Variants in EIF4G3 observed in about 807,000 individuals in gnomAD.
The protein encoded by EIF4G3 is eukaryotic translation initiation factor 4 gamma 3.
In EIF4G3, 34 loss-of-function variants were observed where a neutral mutation model predicts 186.4. The ratio of observed to expected loss-of-function variants is 0.18; its 90% CI spans 0.14 to 0.24. EIF4G3 has a LOEUF of 0.24. EIF4G3 is among the 10% of genes least tolerant of loss of function. The pLI is 1.00. For missense variants in EIF4G3, 1,536 were observed against 1,948.5 expected (o/e 0.79, Z 3.99); for synonymous variants, 673 against 679.5 (o/e 0.99, Z 0.15).
At chr1:21,099,606 G>T (rs1180857430) in intron 2 of EIF4G3, among the ~76,000 whole-genome samples, 1 of 152,168 alleles carries the variant, frequency 6.6e-6, no homozygotes, top group African/African-American at 2.4e-5. Flanking sequence ...TAATATACTA[G>T]TTAAGACAAA....
At chr1:20,993,518 T>C (rs2081580311) in intron 7 of EIF4G3, among the ~76,000 whole-genome samples, 2 of 152,182 alleles carry the variant, frequency 1.3e-5, no homozygotes, top group Non-Finnish European at 2.9e-5. Context: ...CTATAGAACA[T>C]ACTTTGCAAT....
chr1:20,979,083 C>T (rs1411681559), intron 10 of EIF4G3, among the ~76,000 whole-genome samples: 1 of 152,116 alleles, frequency 6.6e-6, no homozygotes, highest in Non-Finnish European at 1.5e-5. Flanking sequence ...CTTACTGAAT[C>T]TCAAAACTTA....
intron 28 of EIF4G3, 54 bp from the exon 29 acceptor site, chr1:20,849,584 T>C: frequency 2.6e-6 from 2 of 782,476 alleles, no homozygotes; most frequent in Admixed American, 3.1e-5. Context: ...ACTATTAAAA[T>C]AGTGAGATTA....
intron 2 of EIF4G3, among the ~76,000 whole-genome samples, chr1:21,101,586 A>AAC (rs2096527021): frequency 7.0e-6 from 1 of 142,736 alleles, no homozygotes; most frequent in Non-Finnish European, 1.5e-5. Context: ...CAACAAAAAA[A>AAC]AACCGAGGGA....
At chr1:20,984,269 G>A (rs867890788) in intron 7 of EIF4G3, among the ~76,000 whole-genome samples, 4 of 151,638 alleles carry the variant, frequency 2.6e-5, no homozygotes, top group Admixed American at 1.3e-4. Flanking sequence ...GGGTTCAAGC[G>A]ATTCTCCTGC....
At chr1:21,108,932 G>A (rs1287283215) in intron 2 of EIF4G3, among the ~76,000 whole-genome samples, 1 of 145,104 alleles carries the variant, frequency 6.9e-6, no homozygotes, top group Admixed American at 6.9e-5. Context: ...AAAACTACAA[G>A]GGGCCAGGTG....
At chr1:21,012,947 G>GA (rs918740320) in intron 4 of EIF4G3, among the ~76,000 whole-genome samples, 4 of 152,088 alleles carry the variant, frequency 2.6e-5, no homozygotes, top group Non-Finnish European at 5.9e-5. Flanking sequence ...CATTCCCACT[G>GA]AAAAAACTGA....
chr1:20,817,680 A>ATTT, intron 33 of EIF4G3, 142 bp from the exon 34 acceptor site: 15 of 220,604 alleles, frequency 6.8e-5, no homozygotes, highest in Non-Finnish European at 9.5e-5. Context: ...TTATGTTTGT[A>ATTT]GTTTTTTTTT....
chr1:21,156,022 G>A (rs1164517432), intron 2 of EIF4G3, among the ~76,000 whole-genome samples: 2 of 151,848 alleles, frequency 1.3e-5, no homozygotes, highest in Non-Finnish European at 2.9e-5. Context: ...AGCTACTCGG[G>A]AGGCTGAGAT....
At chr1:21,164,712 T>C (rs2097826545) in intron 2 of EIF4G3, among the ~76,000 whole-genome samples, 1 of 151,904 alleles carries the variant, frequency 6.6e-6, no homozygotes, top group African/African-American at 2.4e-5. Flanking sequence ...ATACAAAAAG[T>C]AGCTGGGTGT....
intron 2 of EIF4G3, among the ~76,000 whole-genome samples, chr1:21,155,905 T>A (rs1364390637): frequency 6.6e-6 from 1 of 151,876 alleles, no homozygotes; most frequent in Admixed American, 6.6e-5. Flanking sequence ...GGCAGGAGGA[T>A]CACTTGAGGT....
chr1:20,808,323 T>G (rs998176527), intron 36 of EIF4G3, among the ~76,000 whole-genome samples: 7 of 152,224 alleles, frequency 4.6e-5, no homozygotes, highest in Non-Finnish European at 8.8e-5. Context: ...TGTATTATTT[T>G]TACAAAATTT....
At chr1:21,140,366 T>C (rs2097316277) in intron 2 of EIF4G3, among the ~76,000 whole-genome samples, 1 of 152,074 alleles carries the variant, frequency 6.6e-6, no homozygotes, top group African/African-American at 2.4e-5. Flanking sequence ...CAGGCTGGAG[T>C]GCAGTAGCGT....
intron 2 of EIF4G3, chr1:21,168,070 T>TTATTTATTGAAA (rs1257304584): frequency 8.5e-6 from 4 of 470,160 alleles, no homozygotes; most frequent in Non-Finnish European, 1.8e-5. Context: ...AACAAAAAGT[T>TTATTTATTGAAA]CACTTATATT....
At chr1:21,158,169 C>CTTTT (rs71014163) in intron 2 of EIF4G3, among the ~76,000 whole-genome samples, 63 of 99,516 alleles carry the variant, frequency 6.3e-4, no homozygotes, top group African/African-American at 1.0e-3. Context: ...AAATACATAG[C>CTTTT]TTTTTTTTTT....
chr1:21,152,164 T>C (rs1033515911), intron 2 of EIF4G3, among the ~76,000 whole-genome samples: 8 of 151,906 alleles, frequency 5.3e-5, no homozygotes, highest in Non-Finnish European at 8.8e-5. Context: ...AAGTACACTA[T>C]ACATTCCATC....
intron 14 of EIF4G3, among the ~76,000 whole-genome samples, chr1:20,911,997 T>C (rs986698544): frequency 6.6e-6 from 1 of 152,026 alleles, no homozygotes; most frequent in Admixed American, 6.6e-5. Flanking sequence ...GCTCTGTCTC[T>C]AAAAAAATAA....
At chr1:21,033,397 A>G (rs982888998) in intron 4 of EIF4G3, among the ~76,000 whole-genome samples, 2 of 152,200 alleles carry the variant, frequency 1.3e-5, no homozygotes, top group African/African-American at 4.8e-5. Context: ...TTCCAGAAAC[A>G]TGATATTGAA....
At chr1:20,905,649 TA>T (rs2091854803) in intron 14 of EIF4G3, among the ~76,000 whole-genome samples, 1 of 152,218 alleles carries the variant, frequency 6.6e-6, no homozygotes, top group Non-Finnish European at 1.5e-5. Flanking sequence ...CAAAGGGCTT[TA>T]AAAAATTCAT....
Sources: gnomAD v4.1 joint callset for allele counts (sites outside exome capture counted in the v4.1 genomes callset) on GRCh38, gnomAD v4.1.1 for gene constraint, MANE v1.5 for transcripts, NCBI Gene and HGNC (gene_info 2026-07-23, HGNC 2026-07-21) for gene names.